Variants in NINL observed in about 807,000 individuals in gnomAD.
The protein encoded by NINL is ninein like, also known as ninein-like protein.
Under a neutral mutation model 160.3 loss-of-function variants are expected in NINL, and 153 were observed. That is an observed-to-expected ratio of 0.95 (90% CI 0.84 to 1.09). NINL has a LOEUF of 1.09. Among genes scored for constraint, NINL ranks in the 50% least tolerant of loss-of-function variants. The pLI is 0.00. For missense variants in NINL, 1,829 were observed against 1,764.0 expected (o/e 1.04, Z -0.66); for synonymous variants, 800 against 734.8 (o/e 1.09, Z -1.43).
chr20:25,550,790 G>T (rs1420772992), intron 1 of NINL, among the ~76,000 whole-genome samples: 4 of 152,156 alleles, frequency 2.6e-5, no homozygotes, highest in Non-Finnish European at 1.5e-5. Context: ...TAGAATGTAC[G>T]ATCAGGTTTT....
At chr20:25,473,018 CA>C (rs2063142662) in intron 17 of NINL, among the ~76,000 whole-genome samples, 1 of 152,196 alleles carries the variant, frequency 6.6e-6, no homozygotes, top group East Asian at 1.9e-4. Flanking sequence ...GTTCACACAA[CA>C]GAATACCACA....
intron 3 of NINL, among the ~76,000 whole-genome samples, chr20:25,516,574 G>C (rs575009806): frequency 6.6e-6 from 1 of 152,226 alleles, no homozygotes; most frequent in South Asian, 2.1e-4. Context: ...AACATCAGAG[G>C]ACCAGGCTGT....
intron 4 of NINL, 95 bp from the exon 5 acceptor site, chr20:25,510,835 G>C: frequency 2.1e-6 from 2 of 944,744 alleles, no homozygotes; most frequent in Admixed American, 2.0e-5. Flanking sequence ...TTGGGGAAGT[G>C]GGGGATGGCT....
At position 25,508,222 on chromosome 20, in the gene NINL, G is replaced by A. The variant is rs57623592; in HGVS notation, c.517+2452C>T. On this transcript the variant is annotated intron_variant, in intron 5 of 23. Transcript: ENST00000278886. ...ACAAAAAATGGCCCTGGCATTCAAGGATCATGGTCCAAGGGGTGCTGTTTA... is the reference window on the plus strand; with the variant it reads ...ACAAAAAATGGCCCTGGCATTCAAGAATCATGGTCCAAGGGGTGCTGTTTA... 2.0e-3 allele frequency among the ~76,000 whole-genome samples: 304 copies of A among 152,348 alleles called. 1 individual carries two copies. Among genetic ancestry groups the A allele is most frequent in the African/African-American group, 7.2e-3 (298 of 41,586 alleles).
rs143471626 is a variant in NINL at position 25,469,952 on chromosome 20, C to T, written c.3353+39G>A. The T allele has an allele frequency of 2.5e-4, 367 of 1,492,220 alleles. 1 individual carries two copies. In the African/African-American group the frequency reaches 4.2e-3, roughly 17 times the overall value. The allele number at this position is 1,492,220 out of a possible 1,614,324, so 92.4% of individuals were successfully genotyped here. On this transcript the variant is annotated intron_variant, in intron 18 of 23. Coordinates refer to ENST00000278886, the MANE Select transcript of NINL (RefSeq NM_025176.6). ...TAAGGTCACTCTACGGAGGGCAAAA[C>T]GCACCCCCAGAAGGTCTGGGTAGGG...
At chr20:25,549,700 G>GT (rs1412910768) in intron 1 of NINL, among the ~76,000 whole-genome samples, 3 of 152,236 alleles carry the variant, frequency 2.0e-5, no homozygotes, top group African/African-American at 4.8e-5. Context: ...CAGCTGAGCA[G>GT]TGTCAGCACG....
rs143866690 is a variant in NINL, at chr20:25,483,621, G to A, written c.1678-1521C>T. ...AGACACTGGAGCAGGTGGAGGCCGC[G>A]TGGGCGGCGGGAAGGCTAGGACACC... On this transcript the variant is annotated intron_variant, in intron 13 of 23. Transcript: ENST00000278886. 1.5e-3 allele frequency among the ~76,000 whole-genome samples: 229 copies of A among 152,402 alleles called. 2 individuals carry two copies. Among genetic ancestry groups the A allele is most frequent in the African/African-American group, 4.9e-3 (203 of 41,604 alleles).
chr20:25,540,834 T>A (rs2064651148), intron 1 of NINL, among the ~76,000 whole-genome samples: 1 of 152,178 alleles, frequency 6.6e-6, no homozygotes, highest in South Asian at 2.1e-4. Context: ...CCGCTTTAAG[T>A]GTTTTCATGG....
At chr20:25,552,855 T>C (rs148601712) in intron 1 of NINL, among the ~76,000 whole-genome samples, 16 of 152,376 alleles carry the variant, frequency 1.1e-4, no homozygotes, top group African/African-American at 2.6e-4. Flanking sequence ...GCCGAGCCTA[T>C]CTGCGAAGGT....
At position 25,461,532 on chromosome 20, in the gene NINL, C is replaced by G. The variant is rs1373598952; in HGVS notation, c.3686G>C (p.Ser1229Thr). The change falls in exon 21 of 24, where the codon AGT (serine) becomes ACT (threonine). Residue 1229 changes from serine (S) to threonine (T), a missense_variant. Physicochemically the swap from Ser to Thr is moderately conservative, Grantham distance 58. Coordinates refer to ENST00000278886, the MANE Select transcript of NINL (RefSeq NM_025176.6). ...ATCGCTCACACCCACCTGGTCTTGA[C>G]TTTCCTCAAGGGTCTGGGTCAGCTC... Reference protein sequence around the residue: ...WSELTQTLEESQDQVQGAHLR... With the variant: ...WSELTQTLEETQDQVQGAHLR... The G allele has an allele frequency of 3.2e-6, 5 of 1,568,028 alleles. No individual in the cohort carries two copies. The highest frequency in any genetic ancestry group is 1.2e-5 in the South Asian group (1 of 82,734).
intron 1 of NINL, among the ~76,000 whole-genome samples, chr20:25,542,975 G>A (rs894784578): frequency 6.7e-5 from 10 of 149,472 alleles, no homozygotes; most frequent in African/African-American, 2.5e-4. Context: ...GGGAGGTGGA[G>A]GCTGCAGTGA....
chr20:25,524,904 A>G (rs867622210), intron 2 of NINL, among the ~76,000 whole-genome samples: 1 of 145,456 alleles, frequency 6.9e-6, no homozygotes, highest in Non-Finnish European at 1.5e-5. Context: ...CTCAAATTAA[A>G]ATATATATAT....
intron 1 of NINL, among the ~76,000 whole-genome samples, chr20:25,566,874 C>G (rs2065004014): frequency 6.6e-6 from 1 of 152,132 alleles, no homozygotes; most frequent in African/African-American, 2.4e-5. Flanking sequence ...AGAATGCTGG[C>G]TGGGTGCAGT....
Position 25,506,705 on chromosome 20 carries a change from G to C in NINL, c.518-1627C>G, listed in dbSNP as rs375261261. Reference sequence around the variant, plus strand: ...CATGTAATCTACTGAACACTGTACTGAAAGTGAAGATCACAACGGTCCCAT... The same window carrying C: ...CATGTAATCTACTGAACACTGTACTCAAAGTGAAGATCACAACGGTCCCAT... On this transcript the variant is annotated intron_variant, in intron 5 of 23. Transcript: ENST00000278886. 1.9e-4 allele frequency among the ~76,000 whole-genome samples: 29 copies of C among 152,262 alleles called. No individual in the cohort carries two copies. The East Asian group carries it at 5.0e-3, about 26-fold the overall frequency.
intron 1 of NINL, among the ~76,000 whole-genome samples, chr20:25,542,331 A>G (rs1310747910): frequency 6.6e-6 from 1 of 152,192 alleles, no homozygotes; most frequent in Admixed American, 6.5e-5. Context: ...AACTTCAGTC[A>G]CTGCACACAG....
At chr20:25,456,198 G>T (rs895614163) in intron 22 of NINL, among the ~76,000 whole-genome samples, 1 of 125,978 alleles carries the variant, frequency 7.9e-6, no homozygotes, top group Non-Finnish European at 1.5e-5. Context: ...AGCCGAAATA[G>T]CACCACTGCA....
At chr20:25,509,478 G>A (rs535905372) in intron 5 of NINL, among the ~76,000 whole-genome samples, 1 of 152,220 alleles carries the variant, frequency 6.6e-6, no homozygotes, top group Admixed American at 6.5e-5. Flanking sequence ...GATTGTAAGG[G>A]CCTGGTGTGA....
chr20:25,464,537 A>G (rs1404632427), intron 19 of NINL, among the ~76,000 whole-genome samples: 1 of 152,186 alleles, frequency 6.6e-6, no homozygotes, highest in African/African-American at 2.4e-5. Context: ...CTTCCATCCC[A>G]GCTCCTAGCC....
rs189289902 is a variant in NINL, at chr20:25,488,457, C to T, written c.1677+787G>A. On this transcript the variant is annotated intron_variant, in intron 13 of 23. Transcript: ENST00000278886. ...GCCAGGCTGGTCTTGAACTCCTGAC[C>T]GCATGATCCACCCGCCTCGGCCTCC... 2.2e-3 allele frequency among the ~76,000 whole-genome samples: 342 copies of T among 152,208 alleles called. 1 individual carries two copies. Among genetic ancestry groups the T allele is most frequent in the Non-Finnish European group, 3.7e-3 (253 of 68,024 alleles).
Sources: gnomAD v4.1 joint callset for allele counts (sites outside exome capture counted in the v4.1 genomes callset) on GRCh38, gnomAD v4.1.1 for gene constraint, MANE v1.5 for transcripts, NCBI Gene and HGNC (gene_info 2026-07-23, HGNC 2026-07-21) for gene names.